Variants in EYS observed in about 807,000 individuals in gnomAD.
EYS encodes the protein EGF-like photoreceptor maintenance factor.
Under a neutral mutation model 282.1 loss-of-function variants are expected in EYS, and 250 were observed. That is an observed-to-expected ratio of 0.89 (90% CI 0.80 to 0.98). The LOEUF is 0.98. Among genes scored for constraint, EYS ranks in the 50% least tolerant of loss-of-function variants. EYS has a pLI of 0.00. For synonymous variants in EYS, 1,355 were observed against 1,282.9 expected, an observed-to-expected ratio of 1.06 and a Z score of -1.20; for missense variants, 4,016 against 3,709.0, an observed-to-expected ratio of 1.08 and a Z score of -2.15.
chr6:65,405,382 A>T lies in EYS; in HGVS notation c.863-15T>A, dbSNP rs368478214. ...ACAGAATGGACCTTAAAAAAATCAC[A>T]CACAAGAAAAAAAAAGAAAAGGAAG... is the stretch of plus-strand genomic sequence containing the variant. On this transcript the variant is annotated splice_polypyrimidine_tract_variant and intron_variant, in intron 5 of 42. Transcript: ENST00000503581. 7 of 1,547,772 alleles carry T rather than the reference A, an allele frequency of 4.5e-6. No individual in the cohort carries two copies. In the African/African-American group the frequency reaches 1.0e-4, roughly 23 times the overall value.
chr6:64,260,773 A>C (rs1399559676), intron 30 of EYS, among the ~76,000 whole-genome samples: 1 of 151,978 alleles, frequency 6.6e-6, no homozygotes, highest in Non-Finnish European at 1.5e-5. Context: ...CATTACTGAT[A>C]ATATATAAAA....
chr6:63,976,290 G>A (rs533326119), intron 35 of EYS, among the ~76,000 whole-genome samples: 101 of 152,114 alleles, frequency 6.6e-4, no homozygotes, highest in Non-Finnish European at 1.3e-3. Context: ...AAAAGTAATT[G>A]TGCTATGATG....
At chr6:64,120,994 G>C (rs1428888634) in intron 31 of EYS, among the ~76,000 whole-genome samples, 1 of 152,092 alleles carries the variant, frequency 6.6e-6, no homozygotes, top group Non-Finnish European at 1.5e-5. Flanking sequence ...TTGCTTGCTT[G>C]TTTTTTGTTT....
chr6:64,125,839 G>C (rs1473351890), intron 31 of EYS, among the ~76,000 whole-genome samples: 1 of 148,634 alleles, frequency 6.7e-6, no homozygotes, highest in Non-Finnish European at 1.5e-5. Context: ...CAGAGAGATG[G>C]AATGAGACCC....
At chr6:64,830,037 C>T (rs1368663742) in intron 19 of EYS, among the ~76,000 whole-genome samples, 4 of 151,852 alleles carry the variant, frequency 2.6e-5, no homozygotes, top group Admixed American at 6.6e-5. Context: ...TTGTGTTCCC[C>T]GCAAATTCAC....
intron 6 of EYS, among the ~76,000 whole-genome samples, chr6:65,403,223 T>C (rs564721574): frequency 3.9e-4 from 59 of 152,112 alleles, no homozygotes; most frequent in African/African-American, 1.4e-3. Flanking sequence ...TGACTATGCA[T>C]AGAAAATAAA....
At chr6:65,129,844 A>G (rs1775820214) in intron 12 of EYS, among the ~76,000 whole-genome samples, 1 of 151,990 alleles carries the variant, frequency 6.6e-6, no homozygotes, top group South Asian at 2.1e-4. Context: ...TCTGCCAAAA[A>G]GACACATGCA....
chr6:64,831,081 C>G (rs1339793032), intron 19 of EYS, among the ~76,000 whole-genome samples: 4 of 151,950 alleles, frequency 2.6e-5, no homozygotes, highest in African/African-American at 9.7e-5. Flanking sequence ...CTTCCTTTCC[C>G]AGTCCTACTT....
intron 30 of EYS, among the ~76,000 whole-genome samples, chr6:64,247,719 G>A (rs771997341): frequency 6.6e-6 from 1 of 152,012 alleles, no homozygotes; most frequent in Non-Finnish European, 1.5e-5. Context: ...TGCTGCATAT[G>A]TACTAATATA....
chr6:64,895,873 A>C (rs1168218754), intron 18 of EYS, among the ~76,000 whole-genome samples: 2 of 152,130 alleles, frequency 1.3e-5, no homozygotes, highest in African/African-American at 2.4e-5. Context: ...TAATTATTTT[A>C]AAAGGAAATA....
At chr6:64,216,751 G>C (rs575228543) in intron 31 of EYS, among the ~76,000 whole-genome samples, 8 of 152,156 alleles carry the variant, frequency 5.3e-5, no homozygotes, top group Non-Finnish European at 1.2e-4. Flanking sequence ...TGCTTTCAGA[G>C]GCTGCTCCTT....
intron 22 of EYS, among the ~76,000 whole-genome samples, chr6:64,789,938 C>A (rs570633363): frequency 6.6e-6 from 1 of 151,410 alleles, no homozygotes; most frequent in Admixed American, 6.6e-5. Context: ...GAATAATCTT[C>A]GTTATAACTA....
chr6:64,942,238 G>A (rs2150093581), intron 15 of EYS, among the ~76,000 whole-genome samples: 1 of 147,696 alleles, frequency 6.8e-6, no homozygotes, highest in Non-Finnish European at 1.5e-5. Flanking sequence ...ATATGTTTAT[G>A]GGGCACTTGT....
At chr6:64,250,890 G>A (rs895721204) in intron 30 of EYS, among the ~76,000 whole-genome samples, 3 of 151,744 alleles carry the variant, frequency 2.0e-5, no homozygotes, top group African/African-American at 7.3e-5. Context: ...TGCAAATCCT[G>A]GAATAAAAAA....
intron 2 of EYS, among the ~76,000 whole-genome samples, chr6:65,532,866 T>C (rs1040238801): frequency 1.3e-5 from 2 of 152,276 alleles, no homozygotes; most frequent in South Asian, 2.1e-4. Context: ...TTTCCACTTT[T>C]ATACTGTTGG....
intron 26 of EYS, among the ~76,000 whole-genome samples, chr6:64,488,101 TGTTAA>T (rs1275982753): frequency 4.0e-5 from 6 of 151,072 alleles, no homozygotes; most frequent in Non-Finnish European, 7.4e-5. Flanking sequence ...TACATGAAAC[TGTTAA>T]GTTGTTTTGA....
intron 22 of EYS, among the ~76,000 whole-genome samples, chr6:64,785,645 G>A (rs541320433): frequency 6.6e-6 from 1 of 152,034 alleles, no homozygotes; most frequent in South Asian, 2.1e-4. Flanking sequence ...TTACAGTCTC[G>A]ACAATAAACA....
chr6:64,015,430 G>A (rs1361484655), intron 33 of EYS, among the ~76,000 whole-genome samples: 1 of 151,968 alleles, frequency 6.6e-6, no homozygotes, highest in African/African-American at 2.4e-5. Context: ...TATAATCTGT[G>A]TTAATTTTAT....
intron 30 of EYS, among the ~76,000 whole-genome samples, chr6:64,291,210 C>T (rs562843106): frequency 1.3e-5 from 2 of 151,916 alleles, no homozygotes; most frequent in Non-Finnish European, 2.9e-5. Context: ...TTATCAGTGT[C>T]ACCACAGTTT....
Sources: gnomAD v4.1 joint callset for allele counts (sites outside exome capture counted in the v4.1 genomes callset) on GRCh38, gnomAD v4.1.1 for gene constraint, MANE v1.5 for transcripts, NCBI Gene and HGNC (gene_info 2026-07-23, HGNC 2026-07-21) for gene names.